Variants in CABIN1 observed in about 807,000 individuals in gnomAD.
The protein encoded by CABIN1 is calcineurin-binding protein cabin-1.
CABIN1 carries 133 observed loss-of-function variants against 227.7 expected under a neutral mutation model. The ratio of observed to expected loss-of-function variants is 0.58; its 90% CI spans 0.51 to 0.67. CABIN1 has a LOEUF of 0.67. Ranked by LOEUF, CABIN1 falls within the 30% of genes least tolerant of loss-of-function variation. CABIN1 has a pLI of 0.00. For synonymous variants in CABIN1, 1,086 were observed against 1,155.1 expected (o/e 0.94, Z 1.21); for missense variants, 2,408 against 2,852.5 (o/e 0.84, Z 3.55).
intron 19 of CABIN1, among the ~76,000 whole-genome samples, chr22:24,081,995 C>T (rs1321043007): frequency 6.6e-6 from 1 of 152,112 alleles, no homozygotes; most frequent in African/African-American, 2.4e-5. Context: ...CCACTGCACT[C>T]CAGCCTGGGC....
chr22:24,146,076 T>C (rs528801310), intron 29 of CABIN1, among the ~76,000 whole-genome samples: 17 of 152,304 alleles, frequency 1.1e-4, no homozygotes, highest in Admixed American at 7.2e-4. Context: ...CCCTTAGGAC[T>C]GTCAGGGGAT....
chr22:24,135,049 C>T (rs1242649067), intron 29 of CABIN1, among the ~76,000 whole-genome samples: 1 of 150,176 alleles, frequency 6.7e-6, no homozygotes, highest in Non-Finnish European at 1.5e-5. Context: ...TGCACTCCAG[C>T]CTGGGGGACC....
Position 24,133,531 on chromosome 22 carries a change from C to T in CABIN1, c.4633-771C>T, listed in dbSNP as rs371955790. Among the ~76,000 whole-genome samples, 16 of 152,338 alleles carry T rather than the reference C, an allele frequency of 1.1e-4. No homozygotes were observed. In the East Asian group the frequency reaches 2.7e-3, roughly 26 times the overall value. ...ACAGATTGGCTGGGACAGTGGGTGC[C>T]GTGGAAAGGGTAGAGGGTCTGGCAT... On this transcript the variant is annotated intron_variant, in intron 28 of 36. Coordinates refer to ENST00000263119, the MANE Select transcript of CABIN1 (RefSeq NM_012295.4).
At chr22:24,097,511 G>A (rs1179471614) in intron 25 of CABIN1, among the ~76,000 whole-genome samples, 1 of 152,212 alleles carries the variant, frequency 6.6e-6, no homozygotes, top group Non-Finnish European at 1.5e-5. Flanking sequence ...CTATACCATA[G>A]TATGGATGTA....
chr22:24,044,603 G>T (rs1472097281), intron 6 of CABIN1, among the ~76,000 whole-genome samples: 1 of 152,210 alleles, frequency 6.6e-6, no homozygotes, highest in East Asian at 1.9e-4. Context: ...ACTATAAGCA[G>T]TCAGGAGGAA....
At chr22:24,053,739 A>G (rs2038552483) in intron 8 of CABIN1, among the ~76,000 whole-genome samples, 1 of 151,904 alleles carries the variant, frequency 6.6e-6, no homozygotes, top group South Asian at 2.1e-4. Flanking sequence ...TGTGCAGGGG[A>G]CTGTGCTCTG....
intron 16 of CABIN1, 25 bp from the exon 17 acceptor site, chr22:24,070,775 T>G (rs897453033): frequency 1.2e-6 from 2 of 1,613,900 alleles, no homozygotes; most frequent in Non-Finnish European, 1.7e-6. Flanking sequence ...CACCGTGCAC[T>G]TCACCTGGCT....
In CABIN1 at chr22:24,094,861, T is replaced by C. The variant is rs887999603; in HGVS notation, c.3787-1070T>C. ...AAAAAAAAAAGAAACAAAAATGACATTTCTCTGAAGATTTTTAACTCTGTC... is the reference window on the plus strand; with the variant it reads ...AAAAAAAAAAGAAACAAAAATGACACTTCTCTGAAGATTTTTAACTCTGTC... On this transcript the variant is annotated intron_variant, in intron 24 of 36. Transcript: ENST00000263119. Among the ~76,000 whole-genome samples, 8 of 151,662 alleles carry C rather than the reference T, an allele frequency of 5.3e-5. No individual in the cohort carries two copies. In the East Asian group the frequency reaches 1.4e-3, roughly 26 times the overall value.
chr22:24,173,544 G>A (rs2046947743), intron 34 of CABIN1: 2 of 152,234 alleles, frequency 1.3e-5, no homozygotes, highest in African/African-American at 4.8e-5. Flanking sequence ...CGTAAAAGAA[G>A]TGTAGTGCTG....
intron 29 of CABIN1, among the ~76,000 whole-genome samples, chr22:24,157,152 AG>A (rs1360535445): frequency 6.6e-6 from 1 of 151,966 alleles, no homozygotes; most frequent in Non-Finnish European, 1.5e-5. Context: ...CCGCCCTGAT[AG>A]GTTTGTGGTA....
chr22:24,146,459 TG>T (rs1209632995), intron 29 of CABIN1, among the ~76,000 whole-genome samples: 22 of 152,166 alleles, frequency 1.4e-4, no homozygotes, highest in Non-Finnish European at 4.4e-5. Flanking sequence ...AAGGCCGCCC[TG>T]TCTGGGGAGG....
chr22:24,014,311 A>G (rs1268378804), intron 1 of CABIN1, among the ~76,000 whole-genome samples: 2 of 152,162 alleles, frequency 1.3e-5, no homozygotes, highest in Non-Finnish European at 2.9e-5. Context: ...ATTATATTCT[A>G]TGAGTTAAAA....
chr22:24,119,701 G>C lies in CABIN1; in HGVS notation c.4632+3G>C. On this transcript the variant is annotated splice_donor_region_variant and intron_variant, in intron 28 of 36. Transcript: ENST00000263119. Reference sequence around the variant, plus strand: ...ACACCTACAGCAAGACCCACCGGGTGAGTGGCTGCCGGGCCAAGGGGGCTT... The same window carrying C: ...ACACCTACAGCAAGACCCACCGGGTCAGTGGCTGCCGGGCCAAGGGGGCTT... The C allele has an allele frequency of 6.2e-7, 1 of 1,613,640 alleles. No homozygotes were observed. The highest frequency in any genetic ancestry group is 1.1e-5 in the South Asian group (1 of 91,076).
chr22:24,039,170 GTTTGT>G (rs2037158361), intron 4 of CABIN1, among the ~76,000 whole-genome samples: 1 of 152,182 alleles, frequency 6.6e-6, no homozygotes, highest in Non-Finnish European at 1.5e-5. Flanking sequence ...AAGTTTTCAT[GTTTGT>G]TTTCGCCCAA....
chr22:24,039,370 A>G (rs1380986884), intron 4 of CABIN1, among the ~76,000 whole-genome samples: 2 of 152,166 alleles, frequency 1.3e-5, no homozygotes, highest in African/African-American at 4.8e-5. Context: ...GTGAGAAGAA[A>G]GCATCTGTTC....
chr22:24,108,814 C>T (rs2042654212), intron 26 of CABIN1, among the ~76,000 whole-genome samples: 1 of 152,166 alleles, frequency 6.6e-6, no homozygotes, highest in Non-Finnish European at 1.5e-5. Flanking sequence ...ATGTTGCCCC[C>T]CCATCTACAT....
chr22:24,167,716 TC>T (rs2046537494), intron 32 of CABIN1, among the ~76,000 whole-genome samples: 1 of 152,166 alleles, frequency 6.6e-6, no homozygotes, highest in Admixed American at 6.5e-5. Context: ...CTTTCCTTTT[TC>T]TCCATTTAAA....
intron 34 of CABIN1, among the ~76,000 whole-genome samples, chr22:24,174,426 G>A (rs765102360): frequency 6.6e-6 from 1 of 152,166 alleles, no homozygotes; most frequent in Non-Finnish European, 1.5e-5. Context: ...ACCATACCCC[G>A]CCTGAGGATG....
chr22:24,031,210 A>G (rs988264954), intron 1 of CABIN1, among the ~76,000 whole-genome samples: 3 of 152,134 alleles, frequency 2.0e-5, no homozygotes, highest in Admixed American at 1.3e-4. Context: ...TCCTGCAGAA[A>G]GTGGGTTGAG....
Sources: gnomAD v4.1 joint callset for allele counts (sites outside exome capture counted in the v4.1 genomes callset) on GRCh38, gnomAD v4.1.1 for gene constraint, MANE v1.5 for transcripts, NCBI Gene and HGNC (gene_info 2026-07-23, HGNC 2026-07-21) for gene names.